The following ESRRG variants were observed in gnomAD, a reference collection of about 807,000 sequenced individuals.
The protein encoded by ESRRG is estrogen-related receptor gamma.
A neutral mutation model predicts 44.0 loss-of-function variants in ESRRG; 13 were observed. That is an observed-to-expected ratio of 0.30 (90% CI 0.19 to 0.47). ESRRG has a LOEUF of 0.47. ESRRG is among the 20% of genes least tolerant of loss of function. The pLI, the probability that ESRRG is intolerant of heterozygous loss-of-function variation, is 1.00. For synonymous variants in ESRRG, 215 were observed against 214.6 expected, an observed-to-expected ratio of 1.00 and a Z score of -0.02; for missense variants, 395 against 580.6, an observed-to-expected ratio of 0.68 and a Z score of 3.29.
rs1490272407 is a variant in ESRRG at position 216,687,046 on chromosome 1, TCTGTGTGTGTGTGTGTGTGTGA to T, written c.57-9577_57-9556del. On this transcript the variant is annotated intron_variant, in intron 1 of 6. Coordinates refer to ENST00000408911, the MANE Select transcript of ESRRG (RefSeq NM_001438.4). Reference sequence around the variant, plus strand: ...GGGCCCGTGTGTGTGTGTGTGTGTGTCTGTGTGTGTGTGTGTGTGTGAAGTATATGTCTGTGTGTGTGTTGCA... The same window carrying T: ...GGGCCCGTGTGTGTGTGTGTGTGTGTAGTATATGTCTGTGTGTGTGTTGCA... Among the ~76,000 whole-genome samples, 1,254 of 141,902 alleles carry T rather than the reference TCTGTGTGTGTGTGTGTGTGTGA, an allele frequency of 8.8e-3. 17 individuals are homozygous for T. The highest frequency in any genetic ancestry group is 0.036 in the African/African-American group (1,185 of 33,106). The allele number at this position is 141,902 out of a possible 152,430, so 93.1% of individuals were successfully genotyped here. A position where few individuals can be genotyped will look rare whatever the true frequency, so the allele number is the denominator to read the frequency against.
rs539390119 is a variant in ESRRG, at chr1:217,122,842, CTT to C, written c.-230+14823_-230+14824del. Among the ~76,000 whole-genome samples the C allele has an allele frequency of 8.0e-5, 12 of 150,850 alleles. No homozygotes were observed. The East Asian group carries it at 1.9e-3, about 24-fold the overall frequency. On this transcript the variant is annotated intron_variant, in intron 1 of 8. Coordinates refer to the ESRRG transcript ENST00000366940. ...TGGGCTGCCATGACCAGCTAATTTT[CTT>C]TTTTCTTTTTTTTTATTTTTAGTAC...
intron 2 of ESRRG, among the ~76,000 whole-genome samples, chr1:216,786,307 A>C (rs1375852286): frequency 6.6e-6 from 1 of 152,126 alleles, no homozygotes; most frequent in African/African-American, 2.4e-5. Context: ...TTTAACAGAA[A>C]TTGAGAGCAA....
chr1:216,669,584 G>T (rs2074712934), intron 2 of ESRRG, among the ~76,000 whole-genome samples: 1 of 152,200 alleles, frequency 6.6e-6, no homozygotes. Context: ...TACAACAAAA[G>T]CAAGTTAAGA....
chr1:216,892,066 A>G (rs2057873096), intron 2 of ESRRG, among the ~76,000 whole-genome samples: 1 of 152,066 alleles, frequency 6.6e-6, no homozygotes, highest in Non-Finnish European at 1.5e-5. Context: ...TGGCCTCCCA[A>G]AGTGATGGGA....
At chr1:216,696,261 A>G (rs1460257787) in intron 1 of ESRRG, among the ~76,000 whole-genome samples, 2 of 152,176 alleles carry the variant, frequency 1.3e-5, no homozygotes, top group African/African-American at 4.8e-5. Context: ...TTTTCTGTTG[A>G]AATCCTTCAC....
chr1:216,903,805 A>C (rs2059371470), intron 2 of ESRRG, among the ~76,000 whole-genome samples: 1 of 152,284 alleles, frequency 6.6e-6, no homozygotes, highest in African/African-American at 2.4e-5. Context: ...CTCTGGCAGC[A>C]TGCTACCAGG....
chr1:217,129,321 A>C (rs2092929859), intron 1 of ESRRG, among the ~76,000 whole-genome samples: 1 of 152,244 alleles, frequency 6.6e-6, no homozygotes, highest in Non-Finnish European at 1.5e-5. Context: ...TGGCTATCAG[A>C]AATAAAAGGA....
chr1:216,615,427 G>A (rs2061288751), intron 3 of ESRRG, among the ~76,000 whole-genome samples: 1 of 152,116 alleles, frequency 6.6e-6, no homozygotes, highest in African/African-American at 2.4e-5. Flanking sequence ...CCTTAACGTA[G>A]GGCTTGTTTA....
intron 1 of ESRRG, among the ~76,000 whole-genome samples, chr1:216,964,343 G>T (rs952573858): frequency 2.1e-4 from 32 of 152,066 alleles, no homozygotes; most frequent in Non-Finnish European, 4.1e-4. Context: ...AAAGATCACT[G>T]GCTGCCTCCT....
chr1:217,112,251 G>A (rs962876006), intron 1 of ESRRG, among the ~76,000 whole-genome samples: 1 of 152,190 alleles, frequency 6.6e-6, no homozygotes, highest in South Asian at 2.1e-4. Flanking sequence ...ACATAGCCAT[G>A]TATAACTACA....
At chr1:216,540,583 TA>T (rs1366903970) in intron 5 of ESRRG, among the ~76,000 whole-genome samples, 6 of 152,168 alleles carry the variant, frequency 3.9e-5, no homozygotes, top group African/African-American at 1.4e-4. Context: ...TTAATATAAA[TA>T]AATGTATTTA....
At chr1:216,780,341 A>G (rs1159222546) in intron 2 of ESRRG, among the ~76,000 whole-genome samples, 1 of 151,972 alleles carries the variant, frequency 6.6e-6, no homozygotes, top group Non-Finnish European at 1.5e-5. Context: ...GAAATGGAAA[A>G]CCCAGCAATT....
intron 5 of ESRRG, among the ~76,000 whole-genome samples, chr1:216,554,426 C>A (rs2057085135): frequency 6.6e-6 from 1 of 150,468 alleles, no homozygotes; most frequent in Admixed American, 6.7e-5. Context: ...TGCACTCCAG[C>A]CTGGGCGACA....
intron 1 of ESRRG, among the ~76,000 whole-genome samples, chr1:216,999,854 C>T (rs1323630475): frequency 6.6e-6 from 1 of 152,200 alleles, no homozygotes; most frequent in African/African-American, 2.4e-5. Flanking sequence ...CCACTCAACC[C>T]TTGCATCTTC....
chr1:216,831,331 C>T (rs1051176988), intron 2 of ESRRG, among the ~76,000 whole-genome samples: 3 of 152,100 alleles, frequency 2.0e-5, no homozygotes, highest in African/African-American at 7.2e-5. Context: ...CAACTAATTG[C>T]ATTATTAGCA....
intron 3 of ESRRG, among the ~76,000 whole-genome samples, chr1:216,636,926 G>A (rs1201321110): frequency 6.6e-6 from 1 of 152,190 alleles, no homozygotes; most frequent in African/African-American, 2.4e-5. Flanking sequence ...TTGAATTTCT[G>A]TTCCTTTTAC....
intron 2 of ESRRG, among the ~76,000 whole-genome samples, chr1:216,892,372 T>A (rs1008404039): frequency 3.3e-5 from 5 of 152,190 alleles, no homozygotes; most frequent in African/African-American, 1.2e-4. Flanking sequence ...TCCTGATTTT[T>A]GGTCCCTGGA....
chr1:217,004,458 G>T (rs949925453), intron 1 of ESRRG, among the ~76,000 whole-genome samples: 11 of 152,170 alleles, frequency 7.2e-5, no homozygotes, highest in African/African-American at 2.7e-4. Flanking sequence ...ACATGCCCTT[G>T]CTTCTCCTTT....
At chr1:216,725,705 A>C (rs1047212471), upstream of ESRRG, among the ~76,000 whole-genome samples, 32 of 152,244 alleles carry the variant, frequency 2.1e-4, no homozygotes, top group South Asian at 8.3e-4. Context: ...CACACACACA[A>C]AAAAGAAAGA....
Sources: gnomAD v4.1 joint callset for allele counts (sites outside exome capture counted in the v4.1 genomes callset) on GRCh38, gnomAD v4.1.1 for gene constraint, MANE v1.5 for transcripts, NCBI Gene and HGNC (gene_info 2026-07-23, HGNC 2026-07-21) for gene names.